The following IARS2 variants were observed in gnomAD, a reference collection of about 807,000 sequenced individuals.
IARS2 encodes the protein isoleucine--tRNA ligase, mitochondrial.
A neutral mutation model predicts 126.3 loss-of-function variants in IARS2; 56 were observed. The observed-to-expected ratio is 0.44, with a 90% confidence interval of 0.36 to 0.55. The LOEUF is 0.55. Among genes scored for constraint, IARS2 ranks in the 20% least tolerant of loss-of-function variants. The probability of loss-of-function intolerance (pLI) is 0.00; values close to 1 mark genes in which losing one functional copy is unlikely to be tolerated. For missense variants in IARS2, 1,127 were observed against 1,245.9 expected (o/e 0.90, Z 1.44); for synonymous variants, 407 against 441.1 (o/e 0.92, Z 0.97).
Position 220,126,826 on chromosome 1 carries a change from G to C in IARS2, c.1820G>C (p.Trp607Ser). 1 of 1,609,314 alleles carries C rather than the reference G, an allele frequency of 6.2e-7. No individual in the cohort carries two copies. The highest frequency in any genetic ancestry group is 8.5e-7 in the Non-Finnish European group (1 of 1,178,452). ...LDIWFDSGTSWSYVLPGPDQR... is the reference protein window; with the variant it reads ...LDIWFDSGTSSSYVLPGPDQR... Reference sequence around the variant, plus strand: ...ATCTGGTTTGATAGCGGAACTTCATGGTCTTATGTTCTTCCAGGTAATTCT... The same window carrying C: ...ATCTGGTTTGATAGCGGAACTTCATCGTCTTATGTTCTTCCAGGTAATTCT... Residue 607 changes from tryptophan to serine, a missense_variant, in exon 14 of 23, where the codon TGG (tryptophan) becomes TCG (serine). Transcript: ENST00000366922.
chr1:220,109,791 C>T (rs561120230), intron 10 of IARS2, among the ~76,000 whole-genome samples: 2 of 152,300 alleles, frequency 1.3e-5, no homozygotes, highest in East Asian at 3.9e-4. Flanking sequence ...GGGGTTAGAT[C>T]TTCTTGGGGA....
intron 10 of IARS2, among the ~76,000 whole-genome samples, chr1:220,109,935 G>A (rs1180143518): frequency 6.6e-6 from 1 of 152,176 alleles, no homozygotes; most frequent in Non-Finnish European, 1.5e-5. Context: ...TTTCTTTGAC[G>A]TGAAAAGAGG....
intron 10 of IARS2, among the ~76,000 whole-genome samples, chr1:220,108,287 C>G (rs1656721728): frequency 6.6e-6 from 1 of 152,026 alleles, no homozygotes; most frequent in Admixed American, 6.6e-5. Context: ...GTCTTGAACT[C>G]CTGACCTCAG....
rs573086777 is a variant in IARS2, at chr1:220,109,673, A to G, written c.1328-1113A>G. On this transcript the variant is annotated intron_variant, in intron 10 of 22. Transcript: ENST00000366922. Reference sequence around the variant, plus strand: ...GTGGCAAAAACATAATCTTCTTTCTATCCTCCTCTAAGAACACCAGTGCTC... The same window carrying G: ...GTGGCAAAAACATAATCTTCTTTCTGTCCTCCTCTAAGAACACCAGTGCTC... 2.0e-5 allele frequency among the ~76,000 whole-genome samples: 3 copies of G among 152,292 alleles called. No individual in the cohort carries two copies. The South Asian group carries it at 6.2e-4, about 32-fold the overall frequency.
Position 220,102,371 on chromosome 1 carries a change from T to G in IARS2, c.708T>G (p.Val236=). ...ATTTTTGTCTTTTATAGGGCTTGGT[T>G]TATCGATCTTACAAACCTGTGTTTT... ...TFYQMYDKGL[V]YRSYKPVFWS... The change falls in exon 5 of 23, where the codon GTT becomes GTG. Residue 236 remains valine, a synonymous_variant. Transcript: ENST00000366922. The G allele has an allele frequency of 6.2e-7, 1 of 1,613,876 alleles. No homozygotes were observed. The highest frequency in any genetic ancestry group is 8.5e-7 in the Non-Finnish European group (1 of 1,179,956).
chr1:220,108,443 G>A (rs1656725762), intron 10 of IARS2, among the ~76,000 whole-genome samples: 1 of 151,294 alleles, frequency 6.6e-6, no homozygotes, highest in Non-Finnish European at 1.5e-5. Context: ...CTGGAGTACA[G>A]TGGCACGATC....
chr1:220,112,744 A>G (rs1164846126), intron 11 of IARS2, among the ~76,000 whole-genome samples: 1 of 151,432 alleles, frequency 6.6e-6, no homozygotes, highest in Admixed American at 6.6e-5. Context: ...TTTTTTCTAG[A>G]GATAGGGTTT....
At chr1:220,145,268 A>C (rs1239583228) in intron 21 of IARS2, among the ~76,000 whole-genome samples, 10 of 152,132 alleles carry the variant, frequency 6.6e-5, no homozygotes, top group Non-Finnish European at 1.2e-4. Context: ...GAAGTAAGAG[A>C]CATCTTAGGA....
rs776350285 is a variant in IARS2, at chr1:220,096,101, CAG to C, written c.268-1_268del. 1.4e-5 allele frequency: 20 copies of C among 1,389,064 alleles called. No homozygotes were observed. The highest frequency in any genetic ancestry group is 1.9e-5 in the Non-Finnish European group (19 of 1,001,778). The allele number at this position is 1,389,064 out of a possible 1,614,324, so 86.0% of individuals were successfully genotyped here. ...TTAGATATCTTTTTTTTTTTTAAAA[CAG>C]AAATGTGGATTTTCAGAACTTTATT... On this transcript the variant is annotated splice_acceptor_variant, in intron 1 of 22. Coordinates refer to ENST00000366922, the MANE Select transcript of IARS2 (RefSeq NM_018060.4). LOFTEE classifies it high-confidence loss of function.
intron 15 of IARS2, 28 bp from the exon 16 acceptor site, chr1:220,136,781 C>T: frequency 8.6e-7 from 1 of 1,161,528 alleles, no homozygotes; most frequent in Non-Finnish European, 1.3e-6. Context: ...TTGTGTTTAT[C>T]ATTAAAATAG....
chr1:220,147,785 A>T lies in IARS2; in HGVS notation c.*150A>T. On this transcript the variant is annotated 3_prime_UTR_variant, in exon 23 of 23. Coordinates refer to ENST00000366922, the MANE Select transcript of IARS2 (RefSeq NM_018060.4). ...ATGGGAGTCAAAATCAGAATTATAGAAGAAGTATTTCCTGTAACTATAGAA... is the reference window on the plus strand; with the variant it reads ...ATGGGAGTCAAAATCAGAATTATAGTAGAAGTATTTCCTGTAACTATAGAA... 1 of 680,250 alleles carries T rather than the reference A, an allele frequency of 1.5e-6. No homozygotes were observed. The highest frequency in any genetic ancestry group is 2.9e-5 in the Admixed American group (1 of 34,342). The allele number at this position is 680,250 out of a possible 1,614,324, so 42.1% of individuals were successfully genotyped here.
intron 2 of IARS2, among the ~76,000 whole-genome samples, chr1:220,099,942 G>A (rs1050966890): frequency 1.3e-5 from 2 of 152,102 alleles, no homozygotes; most frequent in African/African-American, 4.8e-5. Flanking sequence ...GGCATGGAAA[G>A]GAGGAAATTG....
chr1:220,114,211 G>A (rs918069524), intron 11 of IARS2, 103 bp from the exon 12 acceptor site: 2 of 1,011,120 alleles, frequency 2.0e-6, no homozygotes, highest in African/African-American at 3.2e-5. Context: ...GTATGTGAAT[G>A]GCTACAAACA....
intron 2 of IARS2, among the ~76,000 whole-genome samples, chr1:220,098,559 C>G (rs185922620): frequency 6.6e-6 from 1 of 152,040 alleles, no homozygotes; most frequent in African/African-American, 2.4e-5. Flanking sequence ...AAGACCTTGT[C>G]GTTTTTGTTT....
chr1:220,114,406 G>T lies in IARS2; in HGVS notation c.1572G>T (p.Arg524Ser). The T allele has an allele frequency of 6.2e-7, 1 of 1,613,948 alleles. No individual in the cohort carries two copies. Reference sequence around the variant, plus strand: ...GGCGGCCATATTGGTGTATATCAAGGCAAAGAGTTTGGGGTGTTCCAATTC... The same window carrying T: ...GGCGGCCATATTGGTGTATATCAAGTCAAAGAGTTTGGGGTGTTCCAATTC... Reference protein sequence around the residue: ...MDRRPYWCISRQRVWGVPIPV... With the variant: ...MDRRPYWCISSQRVWGVPIPV... The change falls in exon 12 of 23, where the codon AGG (arginine) becomes AGT (serine). Residue 524 changes from arginine (R) to serine (S), a missense_variant. Coordinates refer to ENST00000366922, the MANE Select transcript of IARS2 (RefSeq NM_018060.4).
chr1:220,104,137 C>G (rs1035049685), intron 8 of IARS2, among the ~76,000 whole-genome samples: 1 of 152,152 alleles, frequency 6.6e-6, no homozygotes, highest in Admixed American at 6.5e-5. Flanking sequence ...CTGCACCCGG[C>G]TAATTTTGAA....
intron 7 of IARS2, among the ~76,000 whole-genome samples, chr1:220,103,035 T>G (rs1344183404): frequency 6.6e-6 from 1 of 152,044 alleles, no homozygotes; most frequent in African/African-American, 2.4e-5. Context: ...AGTCAGTTTT[T>G]TCTTTTTTCT....
Position 220,142,013 on chromosome 1 carries a change from C to T in IARS2, c.2560+65C>T, listed in dbSNP as rs139683007. Reference sequence around the variant, plus strand: ...CCTGATCAAGGTGCAACTTCTACTTCTATCTGCTTCATAAAAGGGGCACTT... The same window carrying T: ...CCTGATCAAGGTGCAACTTCTACTTTTATCTGCTTCATAAAAGGGGCACTT... On this transcript the variant is annotated intron_variant, in intron 20 of 22. Transcript: ENST00000366922. 2.0e-6 allele frequency: 3 copies of T among 1,464,434 alleles called. No homozygotes were observed. In the East Asian group the frequency reaches 6.8e-5, roughly 33 times the overall value. 90.7% of individuals were successfully genotyped at this position (1,464,434 alleles called of 1,614,324 possible).
At chr1:220,108,078 T>G (rs1223490143) in intron 10 of IARS2, among the ~76,000 whole-genome samples, 1 of 152,078 alleles carries the variant, frequency 6.6e-6, no homozygotes, top group Non-Finnish European at 1.5e-5. Flanking sequence ...TTTTTTTTTT[T>G]GAGACACAGT....
Sources: allele counts gnomAD v4.1 joint callset (sites outside exome capture counted in the v4.1 genomes callset), GRCh38; gene constraint gnomAD v4.1.1; transcripts MANE v1.5; gene names NCBI Gene and HGNC (gene_info 2026-07-23, HGNC 2026-07-21).